The following PRDX5 variants were observed in gnomAD, a reference collection of about 807,000 sequenced individuals.
PRDX5 encodes the protein peroxiredoxin 5, also known as peroxiredoxin-5, mitochondrial.
In PRDX5, 21 loss-of-function variants were observed where a neutral mutation model predicts 23.8. The observed-to-expected ratio is 0.88, with a 90% CI of 0.63 to 1.27. The LOEUF (loss-of-function observed/expected upper bound fraction) is 1.27. Ranked by LOEUF, PRDX5 falls within the 50% of genes most tolerant of loss-of-function variation. The pLI is 0.00. For synonymous variants in PRDX5, 111 were observed against 113.3 expected (o/e 0.98, Z 0.13); for missense variants, 261 against 270.6 (o/e 0.96, Z 0.25).
In PRDX5 at chr11:64,318,310, G is replaced by A. The variant is rs886617487; in HGVS notation, c.95G>A (p.Arg32Gln). The A allele has an allele frequency of 3.1e-6, 5 of 1,612,616 alleles. No individual in the cohort carries two copies. The highest frequency in any genetic ancestry group is 3.4e-6 in the Non-Finnish European group (4 of 1,179,866). The change falls in exon 1 of 6, where the codon CGG becomes CAG. Residue 32 changes from arginine to glutamine, a missense_variant. Transcript: ENST00000265462. ...GGQSAAAAAR[R>Q]YSEGEWASGG... ...CAGTCTGCGGCAGCGGCAGCAAGAC[G>A]GTACAGTGAAGGAGAGTGGGCGTCT...
chr11:64,319,147 C>T (rs1337338614), intron 1 of PRDX5, among the ~76,000 whole-genome samples: 1 of 152,106 alleles, frequency 6.6e-6, no homozygotes, highest in African/African-American at 2.4e-5. Context: ...GAGGCCCTCA[C>T]CTCTGACTCT....
intron 2 of PRDX5, among the ~76,000 whole-genome samples, chr11:64,320,295 AAAAG>A (rs976442267): frequency 3.9e-5 from 6 of 152,258 alleles, no homozygotes; most frequent in Non-Finnish European, 7.4e-5. Context: ...AAAAAAAAAA[AAAAG>A]AAAACAAGTA....
chr11:64,319,620 C>T, intron 1 of PRDX5, 114 bp from the exon 2 acceptor site: 3 of 1,344,050 alleles, frequency 2.2e-6, no homozygotes, highest in Non-Finnish European at 3.1e-6. Flanking sequence ...GAGTATCCTG[C>T]TGGGTTTCAG....
Position 64,318,223 on chromosome 11 carries a change from T to A in PRDX5, c.8T>A (p.Leu3Gln). The A allele has an allele frequency of 6.2e-7, 1 of 1,611,624 alleles. No individual in the cohort carries two copies. The highest frequency in any genetic ancestry group is 1.3e-5 in the African/African-American group (1 of 74,988). The stretch of plus-strand genomic sequence containing the variant: ...AGTGGCCGTGGGGCGGGTATGGGAC[T>A]AGCTGGCGTGTGCGCCCTGAGACGC... MGLAGVCALRRSA... is the reference protein window; with the variant it reads MGQAGVCALRRSA... The change falls in exon 1 of 6, where the codon CTA becomes CAA. Residue 3 changes from leucine to glutamine, a missense_variant. Transcript: ENST00000265462.
Position 64,319,749 on chromosome 11 carries a change from C to T in PRDX5, c.187C>T (p.Pro63Ser). The T allele has an allele frequency of 6.2e-7, 1 of 1,613,770 alleles. No homozygotes were observed. Among genetic ancestry groups the T allele is most frequent in the Non-Finnish European group, 8.5e-7 (1 of 1,179,834 alleles). ...TTCCTTCTAGGTGGGAGATGCCATC[C>T]CAGCAGTGGAGGTGTTTGAAGGGGA... Reference protein sequence around the residue: ...MAPIKVGDAIPAVEVFEGEPG... With the variant: ...MAPIKVGDAISAVEVFEGEPG... Residue 63 changes from proline (P) to serine (S), a missense_variant, in exon 2 of 6, where the codon CCA becomes TCA. Coordinates refer to ENST00000265462, the MANE Select transcript of PRDX5 (RefSeq NM_012094.5).
chr11:64,319,474 A>G (rs2035429714), intron 1 of PRDX5, among the ~76,000 whole-genome samples: 1 of 152,160 alleles, frequency 6.6e-6, no homozygotes, highest in Admixed American at 6.5e-5. Flanking sequence ...TTTGCGACAC[A>G]TGGGGAAACC....
chr11:64,321,750 T>TG lies in PRDX5; in HGVS notation c.*63dup. The TG allele has an allele frequency of 6.7e-7, 1 of 1,486,580 alleles. No individual in the cohort carries two copies. 92.1% of individuals were successfully genotyped at this position (1,486,580 alleles called of 1,614,324 possible). On this transcript the variant is annotated 3_prime_UTR_variant, in exon 6 of 6. Transcript: ENST00000265462. ...CTATCTCACCTGCCCAGCCCTGTGC[T>TG]GGGGCCCTGCAATTGGAATGTTGGC...
At chr11:64,318,778 G>A (rs904126755) in intron 1 of PRDX5, among the ~76,000 whole-genome samples, 5 of 151,588 alleles carry the variant, frequency 3.3e-5, no homozygotes, top group Admixed American at 2.6e-4. Context: ...TGTATTTTTA[G>A]TAGAGACGGG....
intron 1 of PRDX5, 79 bp from the exon 2 acceptor site, chr11:64,319,655 C>A: frequency 6.6e-7 from 1 of 1,510,904 alleles, no homozygotes; most frequent in Non-Finnish European, 8.9e-7. Context: ...GGCACAGCTG[C>A]CAGGCTCTCT....
chr11:64,320,874 C>A lies in PRDX5; in HGVS notation c.448C>A (p.Leu150Met), dbSNP rs772712019. ...AHKAEGKVRL[L>M]ADPTGAFGKE... ...TTTACTTTCTCTGCAGGTTCGGCTCCTGGCTGATCCCACTGGGGCCTTTGG... is the reference window on the plus strand; with the variant it reads ...TTTACTTTCTCTGCAGGTTCGGCTCATGGCTGATCCCACTGGGGCCTTTGG... The change falls in exon 4 of 6, where the codon CTG becomes ATG. Residue 150 changes from leucine (L) to methionine (M), a missense_variant. By Grantham distance (15) the Leu-to-Met change is conservative. Coordinates refer to ENST00000265462, the MANE Select transcript of PRDX5 (RefSeq NM_012094.5). The A allele has an allele frequency of 1.9e-6, 3 of 1,614,230 alleles. No homozygotes were observed. Among genetic ancestry groups the A allele is most frequent in the Non-Finnish European group, 2.5e-6 (3 of 1,180,036 alleles).
chr11:64,320,284 G>GAAAAAAAA (rs111316782), intron 2 of PRDX5, among the ~76,000 whole-genome samples: 1 of 104,020 alleles, frequency 9.6e-6, no homozygotes, highest in Non-Finnish European at 2.1e-5. Flanking sequence ...GTCTCAAAAT[G>GAAAAAAAA]AAAAAAAAAA....
chr11:64,321,155 G>T (rs368559345), intron 5 of PRDX5, 87 bp downstream of exon 5: 1 of 1,460,568 alleles, frequency 6.8e-7, no homozygotes, highest in Non-Finnish European at 9.6e-7. Context: ...AGGGTCCTCT[G>T]TGGGAAGAGT....
At chr11:64,320,951 G>T in intron 4 of PRDX5, 48 bp downstream of exon 4, 2 of 1,613,928 alleles carry the variant, frequency 1.2e-6, no homozygotes, top group Non-Finnish European at 1.7e-6. Context: ...GCGGGGAGCA[G>T]TGGGGGCCCT....
At position 64,319,720 on chromosome 11, in the gene PRDX5, G is replaced by C; in HGVS notation, c.172-14G>C. ...GCTCCCTCACCCCCCTTACCCTGGA[G>C]TCCTTCCTTCTAGGTGGGAGATGCC... On this transcript the variant is annotated splice_polypyrimidine_tract_variant and intron_variant, in intron 1 of 5. Coordinates refer to ENST00000265462, the MANE Select transcript of PRDX5 (RefSeq NM_012094.5). 11 of 1,612,272 alleles carry C rather than the reference G, an allele frequency of 6.8e-6. No homozygotes were observed. The highest frequency in any genetic ancestry group is 9.3e-6 in the Non-Finnish European group (11 of 1,179,192).
At chr11:64,319,054 G>A (rs1405029193) in intron 1 of PRDX5, among the ~76,000 whole-genome samples, 3 of 151,612 alleles carry the variant, frequency 2.0e-5, no homozygotes, top group African/African-American at 7.3e-5. Flanking sequence ...CCAGGGCCTT[G>A]GACCTTCCCC....
intron 2 of PRDX5, among the ~76,000 whole-genome samples, chr11:64,320,214 G>A (rs907437925): frequency 2.0e-5 from 3 of 152,166 alleles, no homozygotes; most frequent in Non-Finnish European, 4.4e-5. Context: ...AGGAGGCGTA[G>A]GTTGCAGTGA....
Position 64,320,782 on chromosome 11 carries a change from C to A in PRDX5, c.428C>A (p.Ala143Glu). ...VTGEWGRAHK[A>E]EGKVRLLADP... ...GGCGAGTGGGGCCGAGCCCACAAGG[C>A]GGAAGGCAAGGTGAGGTGAGGGGCC... The change falls in exon 3 of 6, where the codon GCG becomes GAG. Residue 143 changes from alanine (A) to glutamate (E), a missense_variant. Physicochemically the swap from Ala to Glu is moderately radical, Grantham distance 107. Transcript: ENST00000265462. The A allele has an allele frequency of 6.2e-7, 1 of 1,614,118 alleles. No homozygotes were observed. The highest frequency in any genetic ancestry group is 8.5e-7 in the Non-Finnish European group (1 of 1,179,982).
intron 2 of PRDX5, 40 bp downstream of exon 2, chr11:64,319,908 T>G: frequency 6.2e-7 from 1 of 1,607,604 alleles, no homozygotes. Flanking sequence ...ACCTGGGATC[T>G]TTTGTGTTGC....
chr11:64,320,518 A>G, intron 2 of PRDX5, 143 bp from the exon 3 acceptor site: 1 of 1,277,020 alleles, frequency 7.8e-7, no homozygotes, highest in Non-Finnish European at 1.0e-6. Flanking sequence ...GCCAAGGCAA[A>G]AAGGAAATAG....
Sources: allele counts gnomAD v4.1 joint callset (sites outside exome capture counted in the v4.1 genomes callset), GRCh38; gene constraint gnomAD v4.1.1; transcripts MANE v1.5; gene names NCBI Gene and HGNC (gene_info 2026-07-23, HGNC 2026-07-21).